KCNQ1OT1: variants seen among roughly 807,000 people sequenced by gnomAD.
KCNQ1OT1 encodes the protein KCNQ1 antisense RNA 2 (non-protein coding).
At chr11:2,614,055 A>C in exon 1 of KCNQ1OT1, 1 of 398,544 alleles carries the variant, frequency 2.5e-6, no homozygotes, top group East Asian at 3.6e-5. Flanking sequence ...TAACCTTTCA[A>C]CCAATCTCTT....
chr11:2,694,244 C>T (rs1850635916), exon 1 of KCNQ1OT1: 1 of 398,696 alleles, frequency 2.5e-6, no homozygotes, highest in Non-Finnish European at 4.4e-6. Flanking sequence ...GGATGCAAGC[C>T]AGGGCCTGCT....
chr11:2,625,839 G>A (rs1336763945), exon 1 of KCNQ1OT1: 1 of 398,484 alleles, frequency 2.5e-6, no homozygotes, highest in East Asian at 3.6e-5. Context: ...AAAGTACTGG[G>A]ATTACAGGCG....
chr11:2,667,110 C>G (rs547811942), exon 1 of KCNQ1OT1: 6 of 398,528 alleles, frequency 1.5e-5, no homozygotes, highest in Non-Finnish European at 2.2e-5. Context: ...AAAACCGAGG[C>G]GTAATGGCTC....
Position 2,669,500 on chromosome 11 carries a change from G to C in KCNQ1OT1, n.30495C>G. The stretch of plus-strand genomic sequence containing the variant: ...GAACAGCTTGTCAGATTCATTCCTT[G>C]TCAGCTAATGGTTTGATGTATGTTC... On this transcript the variant is annotated non_coding_transcript_exon_variant, in exon 1 of 1. Transcript: ENST00000597346. This position sits in a 1 kb window ranked among gnomAD's most constrained non-coding sequence, Gnocchi z 5.6. 2.5e-6 allele frequency: 1 copy of C among 398,604 alleles called. No individual in the cohort carries two copies. The highest frequency in any genetic ancestry group is 3.6e-5 in the East Asian group (1 of 28,072). 24.7% of individuals were successfully genotyped at this position (398,604 alleles called of 1,614,324 possible). A position where few individuals can be genotyped will look rare whatever the true frequency, so the allele number is the denominator to read the frequency against.
exon 1 of KCNQ1OT1, chr11:2,638,694 T>C (rs1446486012): frequency 6.6e-6 from 1 of 152,228 alleles, no homozygotes; most frequent in Non-Finnish European, 1.5e-5. Flanking sequence ...TGGCATTCTC[T>C]GTATTTCCTG....
exon 1 of KCNQ1OT1, chr11:2,672,951 C>T: frequency 2.5e-6 from 1 of 398,774 alleles, no homozygotes; most frequent in Admixed American, 4.4e-5. Context: ...GGCAAGGAAT[C>T]ATGAACCCCA....
In KCNQ1OT1 at chr11:2,642,987, T is replaced by G. The variant is rs1849603536; in HGVS notation, n.57008A>C. On this transcript the variant is annotated non_coding_transcript_exon_variant, in exon 1 of 1. Transcript: ENST00000597346. This position sits in a 1 kb window ranked among gnomAD's most constrained non-coding sequence, Gnocchi z 4.3. ...AGTTTTGAATGCTCCTCTTATTTAT[T>G]TATAGTTTTATGCTATTGTGGTCTG... 2 of 397,892 alleles carry G rather than the reference T, an allele frequency of 5.0e-6. No individual in the cohort carries two copies. The highest frequency in any genetic ancestry group is 1.3e-4 in the South Asian group (1 of 7,850). 24.6% of individuals were successfully genotyped at this position (397,892 alleles called of 1,614,324 possible). A position where few individuals can be genotyped will look rare whatever the true frequency, so the allele number is the denominator to read the frequency against.
rs1848928396 is a variant in KCNQ1OT1, at chr11:2,608,916, CCTT to C, written n.91076_91078del. ...TCCTCCTCCCCCTCTTTCTTCCTCC[CCTT>C]CTTTTCTTCTCCCTCTCCCTCTCTC... On this transcript the variant is annotated non_coding_transcript_exon_variant, in exon 1 of 1. Coordinates refer to ENST00000597346, the Ensembl canonical transcript of KCNQ1OT1. This position sits in a 1 kb window ranked among gnomAD's most constrained non-coding sequence, Gnocchi z 4.6. 1.0e-5 allele frequency: 4 copies of C among 398,354 alleles called. No homozygotes were observed. Among genetic ancestry groups the C allele is most frequent in the Middle Eastern group, 6.2e-4 (1 of 1,612 alleles). The allele number at this position is 398,354 out of a possible 1,614,324, so 24.7% of individuals were successfully genotyped here. A position where few individuals can be genotyped will look rare whatever the true frequency, so the allele number is the denominator to read the frequency against.
In KCNQ1OT1 at chr11:2,657,365, T is replaced by C. The variant is rs1564847382; in HGVS notation, n.42630A>G. ...GAATGAAGGCATATTTCTCCATTTA[T>C]ATCTTCTTCATTGTCTCTTACTAAA... On this transcript the variant is annotated non_coding_transcript_exon_variant, in exon 1 of 1. Coordinates refer to ENST00000597346, the Ensembl canonical transcript of KCNQ1OT1. This position sits in a 1 kb window ranked among gnomAD's most constrained non-coding sequence, Gnocchi z 4.8. 1 of 398,636 alleles carries C rather than the reference T, an allele frequency of 2.5e-6. No individual in the cohort carries two copies. Among genetic ancestry groups the C allele is most frequent in the Non-Finnish European group, 4.4e-6 (1 of 226,056 alleles). The allele number at this position is 398,636 out of a possible 1,614,324, so 24.7% of individuals were successfully genotyped here.
chr11:2,679,418 T>C lies in KCNQ1OT1; in HGVS notation n.20577A>G. On this transcript the variant is annotated non_coding_transcript_exon_variant, in exon 1 of 1. Transcript: ENST00000597346. The surrounding 1 kb of genome is among the most constrained non-coding windows in gnomAD (Gnocchi z 4.8). The stretch of plus-strand genomic sequence containing the variant: ...GTAAAATGGGAATCATAAGAGTACC[T>C]TCCTCAGAGGGTTGTTAGGAGGATT... The C allele has an allele frequency of 2.5e-6, 1 of 398,658 alleles. No individual in the cohort carries two copies. 24.7% of individuals were successfully genotyped at this position (398,658 alleles called of 1,614,324 possible). A position where few individuals can be genotyped will look rare whatever the true frequency, so the allele number is the denominator to read the frequency against.
chr11:2,695,744 T>C lies in KCNQ1OT1; in HGVS notation n.4251A>G, dbSNP rs457704. On this transcript the variant is annotated non_coding_transcript_exon_variant, in exon 1 of 1. Coordinates refer to ENST00000597346, the Ensembl canonical transcript of KCNQ1OT1. This position sits in a 1 kb window ranked among gnomAD's most constrained non-coding sequence, Gnocchi z 5.2. The stretch of plus-strand genomic sequence containing the variant: ...TGCAGCACACAGGGAGGCTTGTTCC[T>C]TGCCTTCTGCCAACACTTGGCCTTA... 0.62 allele frequency: 248,297 copies of C among 398,470 alleles called. 82,472 individuals carry two copies. Among genetic ancestry groups the C allele is most frequent in the East Asian group, 0.99 (27,908 of 28,078 alleles). The allele number at this position is 398,470 out of a possible 1,614,324, so 24.7% of individuals were successfully genotyped here.
rs1229680012 is a variant in KCNQ1OT1 at position 2,668,468 on chromosome 11, C to A, written n.31527G>T. On this transcript the variant is annotated non_coding_transcript_exon_variant, in exon 1 of 1. Coordinates refer to ENST00000597346, the Ensembl canonical transcript of KCNQ1OT1. This position sits in a 1 kb window ranked among gnomAD's most constrained non-coding sequence, Gnocchi z 4.3. ...CATCCTAACACTTGGCATTTTCCGT[C>A]GTTTCCTTTTCAGCCATGATGGTGA... 5.0e-6 allele frequency: 2 copies of A among 398,576 alleles called. No individual in the cohort carries two copies. Among genetic ancestry groups the A allele is most frequent in the East Asian group, 7.1e-5 (2 of 28,074 alleles). 24.7% of individuals were successfully genotyped at this position (398,576 alleles called of 1,614,324 possible). A position where few individuals can be genotyped will look rare whatever the true frequency, so the allele number is the denominator to read the frequency against.
In KCNQ1OT1 at chr11:2,620,824, C is replaced by G. The variant is rs1849157316; in HGVS notation, n.79171G>C. 2.5e-6 allele frequency: 1 copy of G among 398,566 alleles called. No individual in the cohort carries two copies. Among genetic ancestry groups the G allele is most frequent in the Non-Finnish European group, 4.4e-6 (1 of 226,078 alleles). The allele number at this position is 398,566 out of a possible 1,614,324, so 24.7% of individuals were successfully genotyped here. On this transcript the variant is annotated non_coding_transcript_exon_variant, in exon 1 of 1. Coordinates refer to ENST00000597346, the Ensembl canonical transcript of KCNQ1OT1. This position sits in a 1 kb window ranked among gnomAD's most constrained non-coding sequence, Gnocchi z 4.5. ...TCCTGCCAACAGTGTATAAGCGTTCCCTTTTCTCTGCAGCCTTCCCAGCAA... is the reference window on the plus strand; with the variant it reads ...TCCTGCCAACAGTGTATAAGCGTTCGCTTTTCTCTGCAGCCTTCCCAGCAA...
rs529617850 is a variant in KCNQ1OT1, at chr11:2,651,567, C to A, written n.48428G>T. 5 of 398,488 alleles carry A rather than the reference C, an allele frequency of 1.3e-5. No homozygotes were observed. The highest frequency in any genetic ancestry group is 2.1e-5 in the African/African-American group (1 of 48,626). The allele number at this position is 398,488 out of a possible 1,614,324, so 24.7% of individuals were successfully genotyped here. ...GAGAACATGGATATTGTGTTCTTTA[C>A]CTCCATGTCTCCAGTGCCTGCCACA... On this transcript the variant is annotated non_coding_transcript_exon_variant, in exon 1 of 1. Transcript: ENST00000597346. This position sits in a 1 kb window ranked among gnomAD's most constrained non-coding sequence, Gnocchi z 6.1.
At position 2,661,021 on chromosome 11, in the gene KCNQ1OT1, G is replaced by C. The variant is rs960088811; in HGVS notation, n.38974C>G. ...AATTAAATCCATGCCTATATACCTA[G>C]AGAAAAATGAAATGAGCTTATGTTA... On this transcript the variant is annotated non_coding_transcript_exon_variant, in exon 1 of 1. Transcript: ENST00000597346. This position sits in a 1 kb window ranked among gnomAD's most constrained non-coding sequence, Gnocchi z 5.9. 4 of 398,438 alleles carry C rather than the reference G, an allele frequency of 1.0e-5. No individual in the cohort carries two copies. Among genetic ancestry groups the C allele is most frequent in the African/African-American group, 8.2e-5 (4 of 48,606 alleles). The allele number at this position is 398,438 out of a possible 1,614,324, so 24.7% of individuals were successfully genotyped here.
chr11:2,688,997 G>A, exon 1 of KCNQ1OT1: 1 of 398,746 alleles, frequency 2.5e-6, no homozygotes, highest in East Asian at 3.6e-5. Context: ...AGGGGAGCCT[G>A]CAGGTCCCTG....
At chr11:2,630,131 A>T (rs1849329417) in exon 1 of KCNQ1OT1, 3 of 398,186 alleles carry the variant, frequency 7.5e-6, no homozygotes. Context: ...TCATGGAAGG[A>T]TGTTGAATTA....
chr11:2,651,080 G>T lies in KCNQ1OT1; in HGVS notation n.48915C>A, dbSNP rs966273544. ...ACATTGTTGTCCATACCTCATTACT[G>T]GTCTCTTGATTTCCACTCTTGCTTC... On this transcript the variant is annotated non_coding_transcript_exon_variant, in exon 1 of 1. Transcript: ENST00000597346. The surrounding 1 kb of genome is among the most constrained non-coding windows in gnomAD (Gnocchi z 6.1). 1 of 398,644 alleles carries T rather than the reference G, an allele frequency of 2.5e-6. No homozygotes were observed. The highest frequency in any genetic ancestry group is 4.4e-6 in the Non-Finnish European group (1 of 226,140). The allele number at this position is 398,644 out of a possible 1,614,324, so 24.7% of individuals were successfully genotyped here. A position where few individuals can be genotyped will look rare whatever the true frequency, so the allele number is the denominator to read the frequency against.
At chr11:2,630,312 T>C in exon 1 of KCNQ1OT1, 1 of 398,328 alleles carries the variant, frequency 2.5e-6, no homozygotes, top group Non-Finnish European at 4.4e-6. Flanking sequence ...TTCAGTTTGA[T>C]CATATTTTGT....
Sources: allele counts gnomAD v4.1 joint callset, GRCh38; gene constraint gnomAD v4.1.1; non-coding constraint Gnocchi (gnomAD v3.1); transcripts MANE v1.5; gene names NCBI Gene and HGNC (gene_info 2026-07-23, HGNC 2026-07-21).